RANBP17: variants seen among roughly 807,000 people sequenced by gnomAD.
The protein encoded by RANBP17 is ran-binding protein 17.
Under a neutral mutation model 141.2 loss-of-function variants are expected in RANBP17, and 158 were observed. The observed-to-expected ratio is 1.12, with a 90% CI of 0.98 to 1.28. The LOEUF is 1.28. RANBP17 is among the 50% of genes most tolerant of loss of function. The pLI, the probability that RANBP17 is intolerant of heterozygous loss-of-function variation, is 0.00. For missense variants in RANBP17, 1,438 were observed against 1,290.7 expected (o/e 1.11, Z -1.75); for synonymous variants, 430 against 450.0 (o/e 0.96, Z 0.56).
chr5:171,204,088 A>T (rs1762444713), intron 19 of RANBP17, among the ~76,000 whole-genome samples: 1 of 152,148 alleles, frequency 6.6e-6, no homozygotes, highest in Non-Finnish European at 1.5e-5. Flanking sequence ...ACATGAGGGA[A>T]CTACAAGGAG....
At chr5:170,996,052 T>C (rs572114654) in intron 14 of RANBP17, among the ~76,000 whole-genome samples, 34 of 152,136 alleles carry the variant, frequency 2.2e-4, no homozygotes, top group Non-Finnish European at 4.6e-4. Flanking sequence ...AAAAAAGTTA[T>C]TGCTCATCTC....
chr5:171,220,343 G>A (rs1034206239), intron 21 of RANBP17, among the ~76,000 whole-genome samples: 9 of 151,184 alleles, frequency 6.0e-5, no homozygotes, highest in Non-Finnish European at 2.9e-5. Context: ...TAGGCTACTC[G>A]GGAGTCAGAG....
chr5:170,992,368 T>C (rs1324722704), intron 14 of RANBP17, among the ~76,000 whole-genome samples: 2 of 152,060 alleles, frequency 1.3e-5, no homozygotes, highest in Admixed American at 1.3e-4. Flanking sequence ...CAGTGTGTTA[T>C]GCCAACATCC....
At chr5:171,186,135 C>T (rs1485114105) in intron 18 of RANBP17, among the ~76,000 whole-genome samples, 2 of 152,124 alleles carry the variant, frequency 1.3e-5, no homozygotes, top group African/African-American at 4.8e-5. Context: ...CAGCATTAGC[C>T]CCTAATGAGA....
chr5:171,075,394 C>A (rs563459997), intron 14 of RANBP17, among the ~76,000 whole-genome samples: 1 of 152,242 alleles, frequency 6.6e-6, no homozygotes, highest in Non-Finnish European at 1.5e-5. Flanking sequence ...TTGGCACATG[C>A]TACAACATGG....
chr5:171,270,066 G>A (rs550211689), intron 25 of RANBP17, among the ~76,000 whole-genome samples: 234 of 152,210 alleles, frequency 1.5e-3, no homozygotes, highest in African/African-American at 5.4e-3. Context: ...TCAAGCTTCC[G>A]TAGTAAAGGA....
chr5:171,052,099 G>T (rs111772501), intron 14 of RANBP17, among the ~76,000 whole-genome samples: 1 of 152,004 alleles, frequency 6.6e-6, no homozygotes, highest in Non-Finnish European at 1.5e-5. Context: ...AAATTGGGTC[G>T]TTTGACTTTT....
rs1222115014 is a variant in RANBP17 at position 170,896,296 on chromosome 5, A to G, written c.489+181A>G. On this transcript the variant is annotated intron_variant, in intron 5 of 27. Coordinates refer to ENST00000523189, the MANE Select transcript of RANBP17 (RefSeq NM_022897.5). ...GCTAATTAAGTGGTGGAATATTTTCATTGTTATTGAAGATATCTGCAATAG... is the reference window on the plus strand; with the variant it reads ...GCTAATTAAGTGGTGGAATATTTTCGTTGTTATTGAAGATATCTGCAATAG... 7 of 567,862 alleles carry G rather than the reference A, an allele frequency of 1.2e-5. No individual in the cohort carries two copies. The Admixed American group carries it at 2.0e-4, about 17-fold the overall frequency. 35.2% of individuals were successfully genotyped at this position (567,862 alleles called of 1,614,324 possible). A position where few individuals can be genotyped will look rare whatever the true frequency, so the allele number is the denominator to read the frequency against.
At chr5:171,288,593 T>C (rs17748031) in intron 25 of RANBP17, among the ~76,000 whole-genome samples, 14,372 of 152,272 alleles carry the variant, frequency 0.094, 852 homozygotes, top group East Asian at 0.2. Context: ...GAACAAGTTA[T>C]TTATTTGCCC....
At chr5:171,179,794 G>T (rs1165414889) in intron 16 of RANBP17, among the ~76,000 whole-genome samples, 2 of 152,020 alleles carry the variant, frequency 1.3e-5, no homozygotes, top group Non-Finnish European at 2.9e-5. Context: ...TTTTAGATTT[G>T]ATTAAATGGG....
intron 14 of RANBP17, among the ~76,000 whole-genome samples, chr5:171,117,714 G>T (rs138179326): frequency 2.0e-5 from 3 of 152,046 alleles, no homozygotes; most frequent in Admixed American, 2.0e-4. Context: ...TGCTAGTCTC[G>T]AACTCCTGAC....
chr5:170,920,516 T>C (rs914428254), intron 11 of RANBP17, among the ~76,000 whole-genome samples: 5 of 152,088 alleles, frequency 3.3e-5, no homozygotes, highest in African/African-American at 9.7e-5. Context: ...ATTTTCTTTT[T>C]TTTTTTTTAT....
At chr5:171,091,377 C>T (rs1025218905) in intron 14 of RANBP17, among the ~76,000 whole-genome samples, 4 of 152,174 alleles carry the variant, frequency 2.6e-5, no homozygotes, top group Admixed American at 1.3e-4. Flanking sequence ...TATCCAATGC[C>T]TGTACCCCCA....
intron 14 of RANBP17, among the ~76,000 whole-genome samples, chr5:171,072,215 G>A (rs1293952746): frequency 2.0e-5 from 3 of 152,046 alleles, no homozygotes; most frequent in African/African-American, 7.2e-5. Context: ...GAGCCAAGGG[G>A]CAGGCGTGAT....
chr5:171,053,925 A>ATATATATAT (rs1491125081), intron 14 of RANBP17, among the ~76,000 whole-genome samples: 1 of 32,370 alleles, frequency 3.1e-5, no homozygotes, highest in African/African-American at 8.9e-5. Flanking sequence ...ATATATATAT[A>ATATATATAT]ATTGCTGTAT....
intron 14 of RANBP17, among the ~76,000 whole-genome samples, chr5:171,074,713 T>C (rs1463313616): frequency 2.6e-5 from 4 of 152,230 alleles, no homozygotes; most frequent in African/African-American, 7.2e-5. Context: ...CTTTTATTAA[T>C]TGCCTATTAT....
At chr5:171,110,359 T>TAACCTTGTC (rs1755138153) in intron 14 of RANBP17, among the ~76,000 whole-genome samples, 1 of 152,196 alleles carries the variant, frequency 6.6e-6, no homozygotes, top group Admixed American at 6.5e-5. Flanking sequence ...GTGAGTGCTG[T>TAACCTTGTC]AACCTTGTCC....
intron 24 of RANBP17, among the ~76,000 whole-genome samples, chr5:171,254,622 G>A (rs1765774321): frequency 6.6e-6 from 1 of 152,054 alleles, no homozygotes; most frequent in Admixed American, 6.5e-5. Flanking sequence ...TTCTGTTGGG[G>A]GTTTTAAGAA....
At chr5:171,025,726 G>A (rs982294601) in intron 14 of RANBP17, among the ~76,000 whole-genome samples, 1 of 151,860 alleles carries the variant, frequency 6.6e-6, no homozygotes, top group African/African-American at 2.4e-5. Context: ...ACAGGTACAT[G>A]CCCAAGTAAT....
Sources: gnomAD v4.1 joint callset for allele counts (sites outside exome capture counted in the v4.1 genomes callset) on GRCh38, gnomAD v4.1.1 for gene constraint, MANE v1.5 for transcripts, NCBI Gene and HGNC (gene_info 2026-07-23, HGNC 2026-07-21) for gene names.